Variants in PAPPA2 observed in about 807,000 individuals in gnomAD.
PAPPA2 encodes the protein pappalysin-2.
Under a neutral mutation model 176.4 loss-of-function variants are expected in PAPPA2, and 86 were observed. The observed-to-expected ratio is 0.49, with a 90% CI of 0.41 to 0.58. PAPPA2 has a LOEUF of 0.58. Among genes scored for constraint, PAPPA2 ranks in the 20% least tolerant of loss-of-function variants. The probability of loss-of-function intolerance (pLI) is 0.00; values close to 1 mark genes in which losing one functional copy is unlikely to be tolerated. For missense variants in PAPPA2, 2,073 were observed against 2,256.9 expected (o/e 0.92, Z 1.65); for synonymous variants, 809 against 852.2 (o/e 0.95, Z 0.88).
In PAPPA2 at chr1:176,556,631, T is replaced by C. The variant is rs1651311670; in HGVS notation, c.309T>C (p.Ala103=). Residue 103 remains alanine, a synonymous_variant, in exon 2 of 23, where the codon GCT becomes GCC. Transcript: ENST00000367662. ...GRSKPDTEGN[A]VSLVPPDLTE... ...GCAAACCAGACACTGAAGGAAATGC[T>C]GTGAGCCTTGTTCCCCCAGACCTGA... The C allele has an allele frequency of 2.5e-6, 4 of 1,614,188 alleles. No individual in the cohort carries two copies. The East Asian group carries it at 6.7e-5, about 27-fold the overall frequency.
chr1:176,795,854 C>T (rs73048168), intron 20 of PAPPA2, among the ~76,000 whole-genome samples: 1,716 of 152,282 alleles, frequency 0.011, 21 homozygotes, highest in African/African-American at 0.039. Flanking sequence ...CCCAAATTCC[C>T]AGCTTTTCAA....
At chr1:176,695,703 C>A (rs1344018625) in intron 6 of PAPPA2, 35 bp from the exon 7 acceptor site, 1 of 1,611,434 alleles carries the variant, frequency 6.2e-7, no homozygotes, top group Non-Finnish European at 8.5e-7. Context: ...GATGGACTCT[C>A]CTCATCTCCC....
intron 2 of PAPPA2, among the ~76,000 whole-genome samples, chr1:176,588,353 C>A (rs1405578960): frequency 6.6e-6 from 1 of 152,210 alleles, no homozygotes; most frequent in Admixed American, 6.5e-5. Flanking sequence ...ATGTCATCTG[C>A]AAACAAAGAC....
chr1:176,793,566 T>A lies in PAPPA2; in HGVS notation c.5027T>A (p.Val1676Glu). 1 of 1,608,470 alleles carries A rather than the reference T, an allele frequency of 6.2e-7. No individual in the cohort carries two copies. The highest frequency in any genetic ancestry group is 8.5e-7 in the Non-Finnish European group (1 of 1,175,462). The change falls in exon 20 of 23, where the codon GTG becomes GAG. Residue 1676 changes from valine to glutamate, a missense_variant. Val to Glu is a moderately radical substitution (Grantham distance 121). This residue lies in a region of PAPPA2 where 846 missense variants were observed against 857.9 expected (regional missense o/e 0.99). Transcript: ENST00000367662. ...TAAACTTCTGTTCTTTCAGGTGCAG[T>A]GTGTTCCCCATTGTGTGTAATCCCC... ...KCEQGYGIGA[V>E]CSPLCVIPPS...
chr1:176,692,061 C>T (rs1468264499), intron 5 of PAPPA2, 65 bp from the exon 6 acceptor site: 11 of 1,459,370 alleles, frequency 7.5e-6, no homozygotes, highest in African/African-American at 1.4e-5. Flanking sequence ...CAAATTTATC[C>T]CTGCCTTGGT....
chr1:176,687,289 G>A (rs1659882430), intron 4 of PAPPA2, among the ~76,000 whole-genome samples: 1 of 152,334 alleles, frequency 6.6e-6, no homozygotes, highest in East Asian at 1.9e-4. Context: ...TGCACCAAGA[G>A]TGTTACACTG....
intron 19 of PAPPA2, among the ~76,000 whole-genome samples, chr1:176,791,704 C>T (rs1273923081): frequency 1.3e-5 from 2 of 152,122 alleles, no homozygotes; most frequent in Non-Finnish European, 2.9e-5. Flanking sequence ...CATATGCCTG[C>T]CACCACACCT....
intron 14 of PAPPA2, among the ~76,000 whole-genome samples, chr1:176,745,357 T>C (rs1280376162): frequency 1.3e-5 from 2 of 152,142 alleles, no homozygotes; most frequent in Non-Finnish European, 2.9e-5. Context: ...TTCATCACAA[T>C]AAACCAAACA....
In PAPPA2 at chr1:176,706,419, G is replaced by A. The variant is rs1456810931; in HGVS notation, c.3426G>A (p.Val1142=). 3 of 1,613,834 alleles carry A rather than the reference G, an allele frequency of 1.9e-6. No individual in the cohort carries two copies. Among genetic ancestry groups the A allele is most frequent in the East Asian group, 4.5e-5 (2 of 44,866 alleles). Reference sequence around the variant, plus strand: ...TGAGCGGAGATGGCTGCTCCAAGGTGTGTGAGCTGGAGGAAGGTTTCAACT... The same window carrying A: ...TGAGCGGAGATGGCTGCTCCAAGGTATGTGAGCTGGAGGAAGGTTTCAACT... ...DLVSGDGCSK[V]CELEEGFNCV... is the part of the protein sequence containing the mutation. Residue 1142 remains valine (V), a synonymous_variant, in exon 10 of 23, where the codon GTG becomes GTA. Transcript: ENST00000367662.
chr1:176,583,196 T>C (rs997929092), intron 2 of PAPPA2, among the ~76,000 whole-genome samples: 3 of 152,116 alleles, frequency 2.0e-5, no homozygotes, highest in Admixed American at 6.5e-5. Flanking sequence ...TTTTGTTTCA[T>C]TGAACTTTCT....
At chr1:176,783,695 G>A (rs1294532591) in intron 17 of PAPPA2, among the ~76,000 whole-genome samples, 3 of 152,180 alleles carry the variant, frequency 2.0e-5, no homozygotes, top group East Asian at 1.9e-4. Flanking sequence ...GAGCAAGAAC[G>A]CTCAACTAAC....
At chr1:176,837,598 G>A (rs762983935) in intron 21 of PAPPA2, among the ~76,000 whole-genome samples, 2 of 151,548 alleles carry the variant, frequency 1.3e-5, no homozygotes, top group Non-Finnish European at 2.9e-5. Context: ...TTTGAAAAGT[G>A]CACTTATGTG....
intron 1 of PAPPA2, among the ~76,000 whole-genome samples, chr1:176,539,353 T>A (rs1650246486): frequency 6.6e-6 from 1 of 152,186 alleles, no homozygotes; most frequent in Admixed American, 6.5e-5. Context: ...GCTCATGTCA[T>A]GGTGGCCTGA....
At chr1:176,543,100 T>G (rs531117354) in intron 1 of PAPPA2, among the ~76,000 whole-genome samples, 1 of 152,294 alleles carries the variant, frequency 6.6e-6, no homozygotes, top group East Asian at 1.9e-4. Flanking sequence ...TTACTCTATT[T>G]CAGATAGAGT....
chr1:176,713,689 A>G (rs1053551470), intron 12 of PAPPA2, among the ~76,000 whole-genome samples: 2 of 152,170 alleles, frequency 1.3e-5, no homozygotes, highest in Non-Finnish European at 2.9e-5. Context: ...CCCCAGGCCC[A>G]AAGACAATCA....
At chr1:176,630,423 G>C (rs960155115) in intron 3 of PAPPA2, among the ~76,000 whole-genome samples, 2 of 152,170 alleles carry the variant, frequency 1.3e-5, no homozygotes, top group Non-Finnish European at 2.9e-5. Context: ...TTTGGGAAAA[G>C]GCTGATGATG....
chr1:176,473,770 T>G (rs1311084189), intron 1 of PAPPA2, among the ~76,000 whole-genome samples: 2 of 152,204 alleles, frequency 1.3e-5, no homozygotes, highest in Non-Finnish European at 2.9e-5. Context: ...AATTTGTAAT[T>G]CCTGAATGAT....
chr1:176,562,205 T>C (rs974689680), intron 2 of PAPPA2, among the ~76,000 whole-genome samples: 9 of 152,178 alleles, frequency 5.9e-5, no homozygotes, highest in Non-Finnish European at 1.2e-4. Context: ...CCTATATTGG[T>C]AAGTGTTGTT....
chr1:176,784,250 G>A (rs1159474415), intron 17 of PAPPA2, among the ~76,000 whole-genome samples: 3 of 152,158 alleles, frequency 2.0e-5, no homozygotes, highest in African/African-American at 7.2e-5. Flanking sequence ...TCTTTCAAAT[G>A]CAATCTATTC....
Sources: gnomAD v4.1 joint callset for allele counts (sites outside exome capture counted in the v4.1 genomes callset) on GRCh38, gnomAD v4.1.1 for gene constraint, gnomAD v4.1.1 regional missense constraint, MANE v1.5 for transcripts, NCBI Gene and HGNC (gene_info 2026-07-23, HGNC 2026-07-21) for gene names.